The following WDR41 variants were observed in gnomAD, a reference collection of about 807,000 sequenced individuals.
The protein encoded by WDR41 is WD repeat-containing protein 41.
In WDR41, 63 loss-of-function variants were observed where a neutral mutation model predicts 69.3. The ratio of observed to expected loss-of-function variants is 0.91; its 90% CI spans 0.74 to 1.12. The LOEUF (loss-of-function observed/expected upper bound fraction) is 1.12. Among genes scored for constraint, WDR41 ranks in the 50% most tolerant of loss-of-function variants. The pLI is 0.00. For missense variants in WDR41, 543 were observed against 534.5 expected, an observed-to-expected ratio of 1.02 and a Z score of -0.16; for synonymous variants, 185 against 192.1, an observed-to-expected ratio of 0.96 and a Z score of 0.31.
At chr5:77,533,122 A>G (rs1742887355) in intron 1 of WDR41, among the ~76,000 whole-genome samples, 1 of 152,210 alleles carries the variant, frequency 6.6e-6, no homozygotes, top group Admixed American at 6.5e-5. Flanking sequence ...CTCTCTCGGG[A>G]GAAGGAAGTA....
chr5:77,537,027 G>A (rs1478288054), intron 1 of WDR41, among the ~76,000 whole-genome samples: 1 of 152,164 alleles, frequency 6.6e-6, no homozygotes, highest in Non-Finnish European at 1.5e-5. Context: ...ACATGCAGAG[G>A]TGCTATTCAA....
chr5:77,576,035 C>G (rs149145916), intron 1 of WDR41, among the ~76,000 whole-genome samples: 102 of 152,266 alleles, frequency 6.7e-4, no homozygotes, highest in African/African-American at 2.3e-3. Context: ...TCTGACACCA[C>G]AGACAGAGAT....
intron 1 of WDR41, among the ~76,000 whole-genome samples, chr5:77,498,551 T>G (rs1460047): frequency 0.63 from 95,825 of 152,020 alleles, 31,834 homozygotes; most frequent in African/African-American, 0.84. Context: ...AGTCATGGTG[T>G]CTCAAGCCTA....
chr5:77,439,205 C>G (rs1401703574), intron 9 of WDR41, among the ~76,000 whole-genome samples: 1 of 152,124 alleles, frequency 6.6e-6, no homozygotes, highest in Non-Finnish European at 1.5e-5. Flanking sequence ...AATAGATATC[C>G]CCATGAGGCA....
intron 2 of WDR41, among the ~76,000 whole-genome samples, chr5:77,480,447 G>A: frequency 6.6e-6 from 1 of 151,960 alleles, no homozygotes; most frequent in Non-Finnish European, 1.5e-5. Flanking sequence ...ATGATAGACT[G>A]GATTAAGAAA....
chr5:77,454,004 A>G (rs1445285703), intron 5 of WDR41, 76 bp from the exon 6 acceptor site: 1 of 1,157,570 alleles, frequency 8.6e-7, no homozygotes, highest in South Asian at 1.3e-5. Context: ...AAATATATCC[A>G]CAAGTTCTTT....
At chr5:77,500,089 T>A (rs1330289603) in intron 1 of WDR41, among the ~76,000 whole-genome samples, 1 of 152,146 alleles carries the variant, frequency 6.6e-6, no homozygotes, top group East Asian at 1.9e-4. Flanking sequence ...TTAGCTCACA[T>A]GGAAAAATAT....
intron 1 of WDR41, among the ~76,000 whole-genome samples, chr5:77,531,337 TG>T (rs985514636): frequency 3.3e-5 from 5 of 151,960 alleles, no homozygotes; most frequent in Admixed American, 3.3e-4. Context: ...AATTTAAAAA[TG>T]GGCAAAGGAC....
intron 2 of WDR41, among the ~76,000 whole-genome samples, chr5:77,489,244 C>T (rs1801655619): frequency 6.6e-6 from 1 of 152,156 alleles, no homozygotes; most frequent in Admixed American, 6.5e-5. Context: ...ACCCTCAAAT[C>T]ACCAGACACG....
chr5:77,546,703 A>C (rs1010969798), intron 1 of WDR41, among the ~76,000 whole-genome samples: 5 of 152,146 alleles, frequency 3.3e-5, no homozygotes, highest in African/African-American at 1.2e-4. Context: ...TTCAAAGAAG[A>C]ATTGGTACCA....
intron 1 of WDR41, among the ~76,000 whole-genome samples, chr5:77,553,596 C>T (rs1045012281): frequency 5.3e-5 from 8 of 151,908 alleles, no homozygotes; most frequent in Admixed American, 3.3e-4. Flanking sequence ...ATGTAAAGAA[C>T]TCTCAAAACT....
intron 1 of WDR41, among the ~76,000 whole-genome samples, chr5:77,504,186 T>A (rs184000171): frequency 0.065 from 9,754 of 150,706 alleles, 647 homozygotes; most frequent in East Asian, 0.26. Flanking sequence ...TAAAAAATGA[T>A]AAAGGGGATA....
intron 1 of WDR41, among the ~76,000 whole-genome samples, chr5:77,553,297 G>A (rs1321137036): frequency 6.6e-6 from 1 of 152,170 alleles, no homozygotes; most frequent in Non-Finnish European, 1.5e-5. Context: ...TTTCAACCAA[G>A]ATGGAGCCCT....
intron 1 of WDR41, among the ~76,000 whole-genome samples, chr5:77,543,218 C>G (rs1743125653): frequency 6.6e-6 from 1 of 152,098 alleles, no homozygotes; most frequent in Non-Finnish European, 1.5e-5. Flanking sequence ...ACTAGAAAAC[C>G]AACTCTGGTA....
At chr5:77,450,912 G>A (rs959146765) in intron 7 of WDR41, among the ~76,000 whole-genome samples, 2 of 152,128 alleles carry the variant, frequency 1.3e-5, no homozygotes, top group South Asian at 4.1e-4. Flanking sequence ...AATCCTGACA[G>A]CTACTCATAT....
rs749691710 is a variant in WDR41, at chr5:77,434,507, C to A, written c.1228-1220G>T. On this transcript the variant is annotated intron_variant, in intron 12 of 12. Transcript: ENST00000296679. ...GCAAGGATGAAAATAGAAATGAGGACCAGCCTGGCCAACATGGTGACACCC... is the reference window on the plus strand; with the variant it reads ...GCAAGGATGAAAATAGAAATGAGGAACAGCCTGGCCAACATGGTGACACCC... 5.9e-4 allele frequency among the ~76,000 whole-genome samples: 89 copies of A among 151,996 alleles called. 1 individual carries two copies. The highest frequency in any genetic ancestry group is 4.6e-3 in the Admixed American group (70 of 15,270).
At chr5:77,543,313 A>T (rs2112227919) in intron 1 of WDR41, among the ~76,000 whole-genome samples, 1 of 152,304 alleles carries the variant, frequency 6.6e-6, no homozygotes. Context: ...GAAATCCCTG[A>T]TTTACCTGAA....
Position 77,469,549 on chromosome 5 carries a change from T to C in WDR41, c.168-4740A>G, listed in dbSNP as rs576944130. Among the ~76,000 whole-genome samples, 6 of 152,330 alleles carry C rather than the reference T, an allele frequency of 3.9e-5. No individual in the cohort carries two copies. In the East Asian group the frequency reaches 1.2e-3, roughly 29 times the overall value. On this transcript the variant is annotated intron_variant, in intron 2 of 12. Coordinates refer to ENST00000296679, the MANE Select transcript of WDR41 (RefSeq NM_018268.4). ...AAGACCATTTCATAAGCAGTTTGTATACTCCATTAGGAAACAAATTTCTGG... is the reference window on the plus strand; with the variant it reads ...AAGACCATTTCATAAGCAGTTTGTACACTCCATTAGGAAACAAATTTCTGG...
At chr5:77,468,924 T>C (rs1338740998) in intron 2 of WDR41, among the ~76,000 whole-genome samples, 4 of 152,094 alleles carry the variant, frequency 2.6e-5, no homozygotes, top group Admixed American at 2.0e-4. Context: ...CTTTTTTCTA[T>C]GGTTTTGTTC....
Sources: allele counts gnomAD v4.1 joint callset (sites outside exome capture counted in the v4.1 genomes callset), GRCh38; gene constraint gnomAD v4.1.1; transcripts MANE v1.5; gene names NCBI Gene and HGNC (gene_info 2026-07-23, HGNC 2026-07-21).